The following MAF variants were observed in gnomAD, a reference collection of about 807,000 sequenced individuals.
The protein encoded by MAF is transcription factor Maf.
A neutral mutation model predicts 22.0 loss-of-function variants in MAF; 10 were observed. The ratio of observed to expected loss-of-function variants is 0.45; its 90% CI spans 0.28 to 0.77. The LOEUF is 0.77. Ranked by LOEUF, MAF falls within the 30% of genes least tolerant of loss-of-function variation. The pLI is 0.12. For synonymous variants in MAF, 337 were observed against 255.8 expected (o/e 1.32, Z -3.03); for missense variants, 544 against 548.4 (o/e 0.99, Z 0.08).
chr16:79,211,865 G>A, the MAF span: 1 of 1,599,618 alleles, frequency 6.3e-7, no homozygotes, highest in Non-Finnish European at 8.5e-7. Flanking sequence ...TGCCAGGGCT[G>A]GGCCCCTTCC....
At chr16:79,361,558 G>A in the MAF span, among the ~76,000 whole-genome samples, 1 of 152,100 alleles carries the variant, frequency 6.6e-6, no homozygotes, top group East Asian at 1.9e-4. Flanking sequence ...CGGCTGCCTG[G>A]GAACATTACA....
chr16:79,326,890 G>A, the MAF span, among the ~76,000 whole-genome samples: 87 of 152,344 alleles, frequency 5.7e-4, no homozygotes, highest in Admixed American at 4.6e-3. Context: ...AACAGGAAAT[G>A]AATAGATTTT....
chr16:79,475,525 G>A, the MAF span, among the ~76,000 whole-genome samples: 6 of 151,966 alleles, frequency 3.9e-5, no homozygotes, highest in African/African-American at 1.4e-4. Context: ...CCTGTCTATC[G>A]ATCTATCTAT....
chr16:79,236,081 C>T, the MAF span, among the ~76,000 whole-genome samples: 1 of 152,106 alleles, frequency 6.6e-6, no homozygotes, highest in South Asian at 2.1e-4. Flanking sequence ...GCTAGCTGAA[C>T]CTTGGCTGGT....
At chr16:79,218,070 T>C in the MAF span, among the ~76,000 whole-genome samples, 10 of 143,462 alleles carry the variant, frequency 7.0e-5, no homozygotes, top group East Asian at 2.0e-3. Flanking sequence ...TGTCTTTCAA[T>C]ATATCCAAGC....
the MAF span, among the ~76,000 whole-genome samples, chr16:79,218,290 A>C: frequency 7.0e-6 from 1 of 142,566 alleles, no homozygotes; most frequent in Non-Finnish European, 1.5e-5. Flanking sequence ...TTTAATGGCT[A>C]CCTCATATAT....
the MAF span, among the ~76,000 whole-genome samples, chr16:79,277,278 C>A: frequency 6.6e-6 from 1 of 152,162 alleles, no homozygotes; most frequent in Admixed American, 6.5e-5. Context: ...AATTCGCATA[C>A]AGGGGTACCA....
the MAF span, among the ~76,000 whole-genome samples, chr16:79,286,833 C>T: frequency 4.6e-5 from 7 of 152,316 alleles, no homozygotes; most frequent in East Asian, 9.7e-4. Flanking sequence ...CAAACACCCT[C>T]GTAGAGACAC....
the MAF span, among the ~76,000 whole-genome samples, chr16:79,356,848 A>G: frequency 2.0e-5 from 3 of 152,184 alleles, no homozygotes; most frequent in African/African-American, 7.2e-5. Context: ...TTCCTCCCTT[A>G]AAAGGCATGA....
At chr16:79,300,044 T>C in the MAF span, among the ~76,000 whole-genome samples, 1 of 152,130 alleles carries the variant, frequency 6.6e-6, no homozygotes, top group Non-Finnish European at 1.5e-5. Flanking sequence ...TGGCGTCTCT[T>C]CCGCAGCACC....
intron 1 of MAF, chr16:79,594,966 G>GCCTC: frequency 9.2e-7 from 1 of 1,089,514 alleles, no homozygotes; most frequent in South Asian, 3.8e-5. Flanking sequence ...TCCAATCCAG[G>GCCTC]CCTCATTTGT....
At chr16:79,312,649 C>T in the MAF span, among the ~76,000 whole-genome samples, 1 of 152,240 alleles carries the variant, frequency 6.6e-6, no homozygotes, top group Non-Finnish European at 1.5e-5. Flanking sequence ...GGAAACACGT[C>T]AGTTATCAAG....
chr16:79,451,141 A>T, the MAF span, among the ~76,000 whole-genome samples: 1 of 152,248 alleles, frequency 6.6e-6, no homozygotes, highest in Non-Finnish European at 1.5e-5. Context: ...GCCCATAAAG[A>T]AAATGCTACC....
At chr16:79,547,841 C>G in the MAF span, among the ~76,000 whole-genome samples, 1 of 151,972 alleles carries the variant, frequency 6.6e-6, no homozygotes, top group African/African-American at 2.4e-5. Flanking sequence ...AGCAAACTCA[C>G]TGCTTTCGTC....
At chr16:79,297,252 TC>T in the MAF span, among the ~76,000 whole-genome samples, 1 of 152,228 alleles carries the variant, frequency 6.6e-6, no homozygotes, top group African/African-American at 2.4e-5. Flanking sequence ...AGGAATTTTT[TC>T]TTGGCAATTA....
the MAF span, among the ~76,000 whole-genome samples, chr16:79,478,571 T>G: frequency 6.6e-6 from 1 of 152,174 alleles, no homozygotes; most frequent in African/African-American, 2.4e-5. Flanking sequence ...TATAGGATCT[T>G]GTACCATCCC....
chr16:79,231,898 T>C, the MAF span, among the ~76,000 whole-genome samples: 2 of 152,066 alleles, frequency 1.3e-5, no homozygotes, highest in Non-Finnish European at 2.9e-5. Context: ...TTCCTGCAAC[T>C]AGACGGTCCC....
the MAF span, chr16:79,211,996 G>A: frequency 6.7e-7 from 1 of 1,498,796 alleles, no homozygotes; most frequent in Non-Finnish European, 9.0e-7. Context: ...CACTTTTCTG[G>A]GGCTGGGCTA....
chr16:79,493,632 C>T, the MAF span, among the ~76,000 whole-genome samples: 1 of 152,186 alleles, frequency 6.6e-6, no homozygotes, highest in Non-Finnish European at 1.5e-5. Context: ...TGGAAGTTTT[C>T]ACAAAATGAA....
Sources: allele counts gnomAD v4.1 joint callset (sites outside exome capture counted in the v4.1 genomes callset), GRCh38; gene constraint gnomAD v4.1.1; transcripts MANE v1.5; gene names NCBI Gene and HGNC (gene_info 2026-07-23, HGNC 2026-07-21).